Variants in CD46 observed in about 807,000 individuals in gnomAD.
The protein encoded by CD46 is CD46 molecule.
CD46 carries 30 observed loss-of-function variants against 53.3 expected under a neutral mutation model. That is an observed-to-expected ratio of 0.56 (90% confidence interval 0.42 to 0.76). The LOEUF (loss-of-function observed/expected upper bound fraction) is 0.76, where lower values mean the gene tolerates loss of function less well. Among genes scored for constraint, CD46 ranks in the 30% least tolerant of loss-of-function variants. CD46 has a pLI of 0.00. For missense variants in CD46, 409 were observed against 463.0 expected (o/e 0.88, Z 1.07); for synonymous variants, 142 against 152.0 (o/e 0.93, Z 0.48).
intron 8 of CD46, among the ~76,000 whole-genome samples, chr1:207,776,102 G>A (rs1470779508): frequency 6.6e-6 from 1 of 152,192 alleles, no homozygotes; most frequent in Admixed American, 6.5e-5. Flanking sequence ...CCCTCATCAG[G>A]CTGCAGTGTC....
At chr1:207,758,102 C>A (rs1655767988) in intron 3 of CD46, among the ~76,000 whole-genome samples, 1 of 152,098 alleles carries the variant, frequency 6.6e-6, no homozygotes, top group Admixed American at 6.5e-5. Flanking sequence ...GTTGAAAAAC[C>A]TTATTTTTGA....
chr1:207,765,313 CT>C (rs1488190088), intron 5 of CD46, among the ~76,000 whole-genome samples: 2 of 152,338 alleles, frequency 1.3e-5, no homozygotes, highest in East Asian at 3.9e-4. Context: ...TACTATCTAT[CT>C]TACCCTGATA....
intron 3 of CD46, among the ~76,000 whole-genome samples, chr1:207,758,757 G>T (rs1655854371): frequency 6.6e-6 from 1 of 152,060 alleles, no homozygotes; most frequent in Non-Finnish European, 1.5e-5. Flanking sequence ...TTTAAAATTT[G>T]GTCAAGTAGA....
intron 7 of CD46, 60 bp downstream of exon 7, chr1:207,767,883 A>T: frequency 7.5e-7 from 1 of 1,330,674 alleles, no homozygotes; most frequent in Non-Finnish European, 1.1e-6. Flanking sequence ...GTGATTTTTT[A>T]TAAAATCCTT....
chr1:207,787,648 G>A (rs958440320), intron 11 of CD46, among the ~76,000 whole-genome samples: 4 of 152,132 alleles, frequency 2.6e-5, no homozygotes, highest in Non-Finnish European at 4.4e-5. Flanking sequence ...TGTGAGAGAC[G>A]AAACTCCTAA....
At chr1:207,761,015 C>G (rs962810966) in intron 4 of CD46, 5 of 507,146 alleles carry the variant, frequency 9.9e-6, no homozygotes, top group Admixed American at 6.6e-5. Flanking sequence ...CAAACCATAT[C>G]AATAGGTATT....
Position 207,793,806 on chromosome 1 carries a change from A to C in CD46, c.*329A>C. The C allele has an allele frequency of 1.6e-6, 1 of 618,136 alleles. No homozygotes were observed. Among genetic ancestry groups the C allele is most frequent in the Non-Finnish European group, 3.0e-6 (1 of 336,524 alleles). 38.3% of individuals were successfully genotyped at this position (618,136 alleles called of 1,614,324 possible). A position where few individuals can be genotyped will look rare whatever the true frequency, so the allele number is the denominator to read the frequency against. On this transcript the variant is annotated 3_prime_UTR_variant, in exon 13 of 13. Coordinates refer to ENST00000367042, the MANE Select transcript of CD46 (RefSeq NM_172351.3). ...CTGCTTTCCCTTAAATAACACTTAG[A>C]TTTATTGGACCAGTCAGCACAGCAT...
chr1:207,771,647 A>G (rs1048756964), intron 8 of CD46, among the ~76,000 whole-genome samples: 8 of 152,212 alleles, frequency 5.3e-5, no homozygotes, highest in Non-Finnish European at 8.8e-5. Context: ...CGTTTATTAA[A>G]TAGGGAATCC....
intron 12 of CD46, among the ~76,000 whole-genome samples, chr1:207,791,313 G>A (rs1041330082): frequency 2.6e-5 from 4 of 152,058 alleles, no homozygotes; most frequent in African/African-American, 9.7e-5. Context: ...TATAAATTAG[G>A]CACAGTAGGA....
intron 7 of CD46, chr1:207,769,872 C>T (rs899155552): frequency 4.2e-5 from 7 of 168,368 alleles, no homozygotes; most frequent in Admixed American, 3.5e-4. Context: ...AAGCGGTTCT[C>T]CTGCCACCTC....
intron 4 of CD46, 159 bp downstream of exon 4, chr1:207,759,883 A>G: frequency 1.7e-6 from 1 of 574,654 alleles, no homozygotes; most frequent in Non-Finnish European, 3.1e-6. Context: ...TCAAACGGAG[A>G]GGTTTTTAAA....
chr1:207,782,414 T>C (rs978151185), intron 8 of CD46, among the ~76,000 whole-genome samples: 3 of 152,120 alleles, frequency 2.0e-5, no homozygotes, highest in African/African-American at 7.2e-5. Flanking sequence ...AATTTGAATT[T>C]CTTTTTCTTA....
chr1:207,757,283 A>G, intron 2 of CD46, 81 bp downstream of exon 2: 1 of 1,233,010 alleles, frequency 8.1e-7, no homozygotes, highest in South Asian at 1.2e-5. Context: ...CACTACGGTG[A>G]TGATGATTTT....
rs924745289 is a variant in CD46, at chr1:207,770,327, G to C, written c.908G>C (p.Arg303Thr). The change falls in exon 8 of 13, where the codon AGG becomes ACG. Residue 303 changes from arginine (R) to threonine (T), a missense_variant. Coordinates refer to ENST00000367042, the MANE Select transcript of CD46 (RefSeq NM_172351.3). ...ATCAAACTTATTTTTCTAGGTCCTA[G>C]GCCTACTTACAAGCCTCCAGTCTCA... ...KSPASSASGP[R>T]PTYKPPVSNY... 2 of 1,604,716 alleles carry C rather than the reference G, an allele frequency of 1.2e-6. No individual in the cohort carries two copies. The highest frequency in any genetic ancestry group is 1.7e-6 in the Non-Finnish European group (2 of 1,172,024).
At chr1:207,764,316 G>A (rs1027364520) in intron 5 of CD46, among the ~76,000 whole-genome samples, 2 of 152,178 alleles carry the variant, frequency 1.3e-5, no homozygotes, top group African/African-American at 4.8e-5. Flanking sequence ...AATTGGTGCT[G>A]GAGCCAAAAC....
intron 7 of CD46, chr1:207,768,975 A>T (rs994231781): frequency 2.0e-5 from 3 of 152,166 alleles, no homozygotes; most frequent in African/African-American, 7.2e-5. Flanking sequence ...ATACCTTCTT[A>T]TAGGCTGGGT....
chr1:207,758,160 T>C (rs1236962880), intron 3 of CD46, among the ~76,000 whole-genome samples: 1 of 152,238 alleles, frequency 6.6e-6, no homozygotes, highest in Non-Finnish European at 1.5e-5. Flanking sequence ...GAGCCCTCGG[T>C]AATAGCCTTT....
At position 207,782,640 on chromosome 1, in the gene CD46, C is replaced by CTTTTT. The variant is rs35546891; in HGVS notation, c.944-630_944-626dup. Among the ~76,000 whole-genome samples the CTTTTT allele has an allele frequency of 3.2e-4, 20 of 62,648 alleles. 3 individuals carry two copies. The highest frequency in any genetic ancestry group is 1.2e-3 in the African/African-American group (17 of 14,278). The allele number at this position is 62,648 out of a possible 152,430, so 41.1% of individuals were successfully genotyped here. Reference sequence around the variant, plus strand: ...AAAGCATTTATTTTTATTAATCCCTCTTTTTTTTTTTTTTTTTTTTTTTTT... The same window carrying CTTTTT: ...AAAGCATTTATTTTTATTAATCCCTCTTTTTTTTTTTTTTTTTTTTTTTTTTTTTT... On this transcript the variant is annotated intron_variant, in intron 8 of 12. Transcript: ENST00000367042.
At chr1:207,771,559 G>C (rs1009346856) in intron 8 of CD46, among the ~76,000 whole-genome samples, 1 of 152,100 alleles carries the variant, frequency 6.6e-6, no homozygotes. Flanking sequence ...AATCCATCTT[G>C]AGTTAATTTT....
Sources: gnomAD v4.1 joint callset for allele counts (sites outside exome capture counted in the v4.1 genomes callset) on GRCh38, gnomAD v4.1.1 for gene constraint, MANE v1.5 for transcripts, NCBI Gene and HGNC (gene_info 2026-07-23, HGNC 2026-07-21) for gene names.